AKNA: variants seen among roughly 807,000 people sequenced by gnomAD.
AKNA encodes microtubule organization protein AKNA.
Under a neutral mutation model 138.8 loss-of-function variants are expected in AKNA, and 67 were observed. The observed-to-expected ratio is 0.48, with a 90% CI of 0.40 to 0.59. The LOEUF (loss-of-function observed/expected upper bound fraction) is 0.59, where lower values mean the gene tolerates loss of function less well. Among genes scored for constraint, AKNA ranks in the 20% least tolerant of loss-of-function variants. The probability of loss-of-function intolerance (pLI) is 0.00; values close to 1 mark genes in which losing one functional copy is unlikely to be tolerated. For synonymous variants in AKNA, 737 were observed against 754.4 expected (o/e 0.98, Z 0.38); for missense variants, 1,813 against 1,880.4 (o/e 0.96, Z 0.66).
Position 114,356,850 on chromosome 9 carries a change from G to C in AKNA, c.2846+13C>G. ...TGTGGCACTGACGGGACAATGGCGG[G>C]ATCCCGGGATACCTGATGTGGGAGA... On this transcript the variant is annotated intron_variant, in intron 13 of 21. Coordinates refer to ENST00000374088, the MANE Select transcript of AKNA (RefSeq NM_001317950.2). 6.5e-7 allele frequency: 1 copy of C among 1,533,550 alleles called. No homozygotes were observed. The highest frequency in any genetic ancestry group is 1.3e-5 in the South Asian group (1 of 78,434). The allele number at this position is 1,533,550 out of a possible 1,614,324, so 95.0% of individuals were successfully genotyped here. A position where few individuals can be genotyped will look rare whatever the true frequency, so the allele number is the denominator to read the frequency against.
intron 2 of AKNA, 109 bp from the exon 3 acceptor site, chr9:114,377,641 G>C (rs1156321082): frequency 8.8e-7 from 1 of 1,141,934 alleles, no homozygotes; most frequent in East Asian, 2.6e-5. Flanking sequence ...ATCACGTGGG[G>C]ATGGAAAGAA....
intron 7 of AKNA, 88 bp downstream of exon 7, chr9:114,364,472 C>G: frequency 7.2e-7 from 1 of 1,390,878 alleles, no homozygotes; most frequent in Non-Finnish European, 1.0e-6. Flanking sequence ...TCTTTTCTGT[C>G]TTGCAGCAAA....
chr9:114,359,629 C>T lies in AKNA; in HGVS notation c.2457G>A (p.Pro819=), dbSNP rs755716602. 9 of 1,614,040 alleles carry T rather than the reference C, an allele frequency of 5.6e-6. No homozygotes were observed. Among genetic ancestry groups the T allele is most frequent in the South Asian group, 3.3e-5 (3 of 91,084 alleles). Residue 819 remains proline, a synonymous_variant, in exon 11 of 22, where the codon CCG becomes CCA. Coordinates refer to ENST00000374088, the MANE Select transcript of AKNA (RefSeq NM_001317950.2). ...EATRVLPRQC[P]VQAEKSHGAP... ...CCCCATGACTTTTCTCAGCCTGCACCGGGCACTGCCTTGGGAGGACCCTGG... is the reference window on the plus strand; with the variant it reads ...CCCCATGACTTTTCTCAGCCTGCACTGGGCACTGCCTTGGGAGGACCCTGG...
Position 114,336,768 on chromosome 9 carries a change from C to T in AKNA, c.*286G>A. 2.5e-6 allele frequency: 1 copy of T among 395,860 alleles called. No homozygotes were observed. Among genetic ancestry groups the T allele is most frequent in the Non-Finnish European group, 4.5e-6 (1 of 223,754 alleles). The allele number at this position is 395,860 out of a possible 1,614,324, so 24.5% of individuals were successfully genotyped here. On this transcript the variant is annotated 3_prime_UTR_variant, in exon 22 of 22. Coordinates refer to ENST00000374088, the MANE Select transcript of AKNA (RefSeq NM_001317950.2). ...TAGCTGGAGTTGCACACATGCAGGA[C>T]CAGGAGAGACTGCCTGAGGTTCTGC...
At chr9:114,375,083 C>T (rs144023644) in intron 3 of AKNA, among the ~76,000 whole-genome samples, 1,804 of 152,320 alleles carry the variant, frequency 0.012, 24 homozygotes, top group Non-Finnish European at 0.018. Flanking sequence ...GAGGCACTCA[C>T]GTGCTCTTGC....
At chr9:114,350,123 G>A (rs1203042189) in intron 15 of AKNA, among the ~76,000 whole-genome samples, 1 of 152,146 alleles carries the variant, frequency 6.6e-6, no homozygotes, top group Non-Finnish European at 1.5e-5. Context: ...CCCAAGGCCT[G>A]GCATACCCTA....
At chr9:114,348,196 G>A (rs928698018) in intron 15 of AKNA, among the ~76,000 whole-genome samples, 12 of 152,140 alleles carry the variant, frequency 7.9e-5, no homozygotes, top group Non-Finnish European at 1.5e-4. Context: ...ACAAATTCTC[G>A]AGATGGAGAC....
rs1234041005 is a variant in AKNA, at chr9:114,381,196, G to A, written c.138C>T (p.Leu46=). The A allele has an allele frequency of 3.7e-6, 6 of 1,614,216 alleles. No homozygotes were observed. The highest frequency in any genetic ancestry group is 5.1e-6 in the Non-Finnish European group (6 of 1,180,024). The part of the protein sequence containing the change: ...SSSQSWEEER[L]FPNATSPELL... ...GCTCGGGGCTGGTGGCATTGGGAAA[G>A]AGTCTCTCTTCTTCCCAGCTTTGTG... is the stretch of plus-strand genomic sequence containing the variant. The change falls in exon 2 of 22, where the codon CTC becomes CTT. Residue 46 remains leucine, a synonymous_variant. Transcript: ENST00000374088.
In AKNA at chr9:114,368,487, C is replaced by A; in HGVS notation, c.1525G>T (p.Glu509Ter). Reference sequence around the variant, plus strand: ...TCCTCGGCCGGGCCCGGCCACCACTCTGCAGAGCGGGGCTGTGGGATGGTG... The same window carrying A: ...TCCTCGGCCGGGCCCGGCCACCACTATGCAGAGCGGGGCTGTGGGATGGTG... ...SFTIPQPRSA[E>*]WWPGPAEDPQ... Residue 509 changes from glutamate (E) to a stop codon, truncating the protein, a stop_gained, in exon 5 of 22, where the codon GAG (glutamate) becomes TAG (stop). Coordinates refer to ENST00000374088, the MANE Select transcript of AKNA (RefSeq NM_001317950.2). LOFTEE classifies it high-confidence loss of function. The A allele has an allele frequency of 7.4e-7, 1 of 1,350,420 alleles. No individual in the cohort carries two copies. 83.7% of individuals were successfully genotyped at this position (1,350,420 alleles called of 1,614,324 possible). A position where few individuals can be genotyped will look rare whatever the true frequency, so the allele number is the denominator to read the frequency against.
At position 114,346,801 on chromosome 9, in the gene AKNA, G is replaced by C; in HGVS notation, c.3399-17C>G. ...GTGGATTTACTAGCAAAAGGAAAGA[G>C]AGATGATGTCATTGGATGAGGTTTT... On this transcript the variant is annotated splice_polypyrimidine_tract_variant and intron_variant, in intron 16 of 21. Coordinates refer to ENST00000374088, the MANE Select transcript of AKNA (RefSeq NM_001317950.2). 2 of 1,604,570 alleles carry C rather than the reference G, an allele frequency of 1.2e-6. No individual in the cohort carries two copies. The highest frequency in any genetic ancestry group is 1.1e-5 in the South Asian group (1 of 90,300).
Position 114,341,677 on chromosome 9 carries a change from G to A in AKNA, c.3923C>T (p.Pro1308Leu). 1.2e-6 allele frequency: 2 copies of A among 1,603,910 alleles called. No homozygotes were observed. Among genetic ancestry groups the A allele is most frequent in the Non-Finnish European group, 1.7e-6 (2 of 1,175,954 alleles). The change falls in exon 21 of 22, where the codon CCC becomes CTC. Residue 1308 changes from proline (P) to leucine (L), a missense_variant. Pro to Leu is a moderately conservative substitution (Grantham distance 98). Coordinates refer to ENST00000374088, the MANE Select transcript of AKNA (RefSeq NM_001317950.2). ...TRRKASSTPS[P>L]KQRSKQAGSS... ...CCCCGCCTGCTTGCTCCTCTGCTTG[G>A]GGCTGGGAGTTGAAGATGCTTTTCT...
In AKNA at chr9:114,359,996, A is replaced by G. The variant is rs1448266119; in HGVS notation, c.2191T>C (p.Ser731Pro). Reference protein sequence around the residue: ...CPLHVNVEVSSGNSEVEDRPQ... With the variant: ...CPLHVNVEVSPGNSEVEDRPQ... ...CTGTCCTCCACCTCACTGTTGCCAGAGCTCACCTCCACATTTACGTGCAAT... is the reference window on the plus strand; with the variant it reads ...CTGTCCTCCACCTCACTGTTGCCAGGGCTCACCTCCACATTTACGTGCAAT... Residue 731 changes from serine to proline, a missense_variant, in exon 10 of 22, where the codon TCT becomes CCT. Transcript: ENST00000374088. 6.2e-7 allele frequency: 1 copy of G among 1,614,180 alleles called. No homozygotes were observed. The highest frequency in any genetic ancestry group is 8.5e-7 in the Non-Finnish European group (1 of 1,180,036).
upstream of AKNA, among the ~76,000 whole-genome samples, chr9:114,391,853 CAAA>C (rs61158842): frequency 2.4e-3 from 153 of 63,064 alleles, no homozygotes; most frequent in African/African-American, 9.3e-3. Context: ...GACTCTGTCT[CAAA>C]AAAAAAAAAA....
intron 4 of AKNA, among the ~76,000 whole-genome samples, chr9:114,369,789 CCAT>C (rs1302866577): frequency 3.9e-5 from 6 of 152,090 alleles, no homozygotes; most frequent in African/African-American, 1.4e-4. Context: ...CCATCATTCA[CCAT>C]CATTACCATC....
intron 3 of AKNA, 46 bp downstream of exon 3, chr9:114,376,420 C>T (rs1328651643): frequency 6.2e-7 from 1 of 1,606,546 alleles, no homozygotes; most frequent in Non-Finnish European, 8.5e-7. Context: ...CACCCCAAGC[C>T]AACAGGGGCC....
chr9:114,389,669 A>G (rs879635595), upstream of AKNA, among the ~76,000 whole-genome samples: 2 of 152,236 alleles, frequency 1.3e-5, no homozygotes, highest in African/African-American at 2.4e-5. Context: ...TGCTACTACA[A>G]CTATTGCTGC....
intron 21 of AKNA, among the ~76,000 whole-genome samples, chr9:114,340,127 A>T (rs924633907): frequency 9.9e-5 from 15 of 152,196 alleles, no homozygotes; most frequent in Admixed American, 6.5e-4. Flanking sequence ...AAAAATTTTT[A>T]AAAGCACATT....
At chr9:114,387,712 C>G (rs756303361) in intron 1 of AKNA, 148 bp downstream of exon 1, 13 of 214,816 alleles carry the variant, frequency 6.1e-5, no homozygotes, top group Non-Finnish European at 1.1e-4. Flanking sequence ...CCGGGATCCC[C>G]TAAGCCAAGA....
At position 114,341,573 on chromosome 9, in the gene AKNA, T is replaced by C. The variant is rs1830347637; in HGVS notation, c.4027A>G (p.Ile1343Val). The change falls in exon 21 of 22, where the codon ATC becomes GTC. Residue 1343 changes from isoleucine to valine, a missense_variant. By Grantham distance (29) the Ile-to-Val change is conservative. Coordinates refer to ENST00000374088, the MANE Select transcript of AKNA (RefSeq NM_001317950.2). ...PAPAPPAFAY[I>V]SSVPIMPYPP... ...TAAGGCATGATGGGAACCGAGGAGA[T>C]GTAGGCAAAGGCTGGAGGGGCTGGT... The C allele has an allele frequency of 1.9e-6, 3 of 1,613,764 alleles. No individual in the cohort carries two copies. The highest frequency in any genetic ancestry group is 2.5e-6 in the Non-Finnish European group (3 of 1,179,888).
Sources: allele counts gnomAD v4.1 joint callset (sites outside exome capture counted in the v4.1 genomes callset), GRCh38; gene constraint gnomAD v4.1.1; transcripts MANE v1.5; gene names NCBI Gene and HGNC (gene_info 2026-07-23, HGNC 2026-07-21).